VSIG10: variants seen among roughly 807,000 people sequenced by gnomAD.
The protein encoded by VSIG10 is V-set and immunoglobulin domain-containing protein 10.
Under a neutral mutation model 58.7 loss-of-function variants are expected in VSIG10, and 48 were observed. The observed-to-expected ratio is 0.82, with a 90% CI of 0.65 to 1.04. VSIG10 has a LOEUF of 1.04. VSIG10 is among the 50% of genes least tolerant of loss of function. The pLI is 0.00. For missense variants in VSIG10, 628 were observed against 670.0 expected (o/e 0.94, Z 0.69); for synonymous variants, 260 against 267.1 (o/e 0.97, Z 0.26).
At chr12:118,097,689 G>A (rs1253828103) in intron 1 of VSIG10, among the ~76,000 whole-genome samples, 1 of 151,590 alleles carries the variant, frequency 6.6e-6, no homozygotes, top group Non-Finnish European at 1.5e-5. Flanking sequence ...TTGGGAGGCT[G>A]AGGCGGTGGA....
Position 118,103,655 on chromosome 12 carries a change from C to A in VSIG10, c.17G>T (p.Ser6Ile). 1 of 1,499,878 alleles carries A rather than the reference C, an allele frequency of 6.7e-7. No individual in the cohort carries two copies. The highest frequency in any genetic ancestry group is 8.8e-7 in the Non-Finnish European group (1 of 1,130,046). The allele number at this position is 1,499,878 out of a possible 1,614,324, so 92.9% of individuals were successfully genotyped here. MAAGG[S>I]APEPRVLVCL... ...GACGAGGACGCGGGGCTCGGGCGCACTGCCGCCTGCGGCCATCTCGCCCCA... is the reference window on the plus strand; with the variant it reads ...GACGAGGACGCGGGGCTCGGGCGCAATGCCGCCTGCGGCCATCTCGCCCCA... The change falls in exon 1 of 9, where the codon AGT becomes ATT. Residue 6 changes from serine to isoleucine, a missense_variant. Ser to Ile is a moderately radical substitution (Grantham distance 142). Coordinates refer to ENST00000359236, the MANE Select transcript of VSIG10 (RefSeq NM_019086.6).
chr12:118,101,054 C>T (rs1025069155), intron 1 of VSIG10, among the ~76,000 whole-genome samples: 35 of 152,300 alleles, frequency 2.3e-4, no homozygotes, highest in African/African-American at 8.2e-4. Flanking sequence ...TTGTTTTCTC[C>T]TCCAAGGCAT....
intron 2 of VSIG10, 24 bp downstream of exon 2, chr12:118,095,509 C>T (rs752015256): frequency 6.2e-7 from 1 of 1,612,946 alleles, no homozygotes; most frequent in South Asian, 1.1e-5. Flanking sequence ...CTCTCCAGCC[C>T]CGGTCCCTGC....
intron 1 of VSIG10, among the ~76,000 whole-genome samples, chr12:118,097,544 G>A (rs891493097): frequency 2.0e-5 from 3 of 152,050 alleles, no homozygotes; most frequent in African/African-American, 7.2e-5. Context: ...GAACCCAGGA[G>A]GTAGAGGTTG....
At chr12:118,073,049 C>T (rs183397359) in intron 5 of VSIG10, among the ~76,000 whole-genome samples, 1 of 149,870 alleles carries the variant, frequency 6.7e-6, no homozygotes, top group East Asian at 2.0e-4. Flanking sequence ...GATCTCGGCT[C>T]ACTGCAACCT....
intron 2 of VSIG10, among the ~76,000 whole-genome samples, chr12:118,084,847 G>C (rs1180583780): frequency 1.3e-5 from 2 of 152,092 alleles, no homozygotes; most frequent in African/African-American, 2.4e-5. Context: ...GTGAAACCCC[G>C]TCTCTACTAA....
intron 2 of VSIG10, among the ~76,000 whole-genome samples, chr12:118,087,099 A>T (rs1240820642): frequency 6.6e-6 from 1 of 151,998 alleles, no homozygotes; most frequent in Admixed American, 6.6e-5. Context: ...AAAGAAAGAA[A>T]GAAAGAAACG....
intron 2 of VSIG10, among the ~76,000 whole-genome samples, chr12:118,094,977 C>T (rs192962449): frequency 2.0e-4 from 30 of 151,456 alleles, no homozygotes; most frequent in Non-Finnish European, 3.5e-4. Flanking sequence ...AATCTTGGCT[C>T]ACTGCAACCT....
rs757841734 is a variant in VSIG10 at position 118,079,587 on chromosome 12, G to T, written c.684C>A (p.Pro228=). The part of the protein sequence containing the change: ...LLVYYPPPSA[P]QCWAQMASGS... ...CTGATGCCATCTGTGCCCAGCACTGGGGAGCTGATGGAGGGGGATCTGCAA... is the reference window on the plus strand; with the variant it reads ...CTGATGCCATCTGTGCCCAGCACTGTGGAGCTGATGGAGGGGGATCTGCAA... Residue 228 remains proline, a synonymous_variant, in exon 4 of 9, where the codon CCC becomes CCA. Transcript: ENST00000359236. 6.2e-7 allele frequency: 1 copy of T among 1,613,976 alleles called. No individual in the cohort carries two copies. Among genetic ancestry groups the T allele is most frequent in the South Asian group, 1.1e-5 (1 of 91,072 alleles).
intron 3 of VSIG10, among the ~76,000 whole-genome samples, chr12:118,079,875 C>A (rs1299862282): frequency 2.6e-5 from 4 of 152,142 alleles, no homozygotes; most frequent in Non-Finnish European, 4.4e-5. Context: ...CTCTTGTTGC[C>A]CAGGCTGGAG....
Position 118,095,769 on chromosome 12 carries a change from A to G in VSIG10, c.125T>C (p.Leu42Pro). The G allele has an allele frequency of 6.2e-7, 1 of 1,613,042 alleles. No homozygotes were observed. Among genetic ancestry groups the G allele is most frequent in the South Asian group, 1.1e-5 (1 of 90,856 alleles). ...CAGTCCCGAGATGTTGCCACAGTGCAGAGTAACATTCTCATGAACTTCTCC... is the reference window on the plus strand; with the variant it reads ...CAGTCCCGAGATGTTGCCACAGTGCGGAGTAACATTCTCATGAACTTCTCC... The part of the protein sequence containing the change: ...VIGEVHENVT[L>P]HCGNISGLRG... The change falls in exon 2 of 9, where the codon CTG becomes CCG. Residue 42 changes from leucine to proline, a missense_variant. Leu to Pro is a moderately conservative substitution (Grantham distance 98). Coordinates refer to ENST00000359236, the MANE Select transcript of VSIG10 (RefSeq NM_019086.6).
At chr12:118,081,493 A>C (rs368461951) in intron 3 of VSIG10, among the ~76,000 whole-genome samples, 4 of 151,790 alleles carry the variant, frequency 2.6e-5, no homozygotes, top group African/African-American at 9.7e-5. Flanking sequence ...ATTCAATTGT[A>C]CATTGCTAAA....
chr12:118,103,971 TCCCTCCCGCCTCCCAGCCAGGCGGGAG>T lies in VSIG10; in HGVS notation c.-327_-301del. ...CCGGCGGAAAACAACAGGAGCGGGA[TCCCTCCCGCCTCCCAGCCAGGCGGGAG>T]CCCAACTTCCTCTACCTTGGCCCGG... On this transcript the variant is annotated 5_prime_UTR_variant, in exon 1 of 9. Transcript: ENST00000359236. The T allele has an allele frequency of 3.4e-6, 1 of 292,122 alleles. No homozygotes were observed. The highest frequency in any genetic ancestry group is 9.7e-4 in the Middle Eastern group (1 of 1,030). 18.1% of individuals were successfully genotyped at this position (292,122 alleles called of 1,614,324 possible).
intron 2 of VSIG10, among the ~76,000 whole-genome samples, chr12:118,083,168 A>G (rs2033018328): frequency 6.8e-6 from 1 of 146,548 alleles, no homozygotes; most frequent in African/African-American, 2.5e-5. Context: ...AGGGCTAGGC[A>G]CAGTAGCTCA....
intron 2 of VSIG10, among the ~76,000 whole-genome samples, chr12:118,095,268 T>C (rs2033414234): frequency 6.6e-6 from 1 of 151,934 alleles, no homozygotes; most frequent in East Asian, 1.9e-4. Flanking sequence ...CTCAAACTCC[T>C]GACTTCAAGT....
intron 7 of VSIG10, among the ~76,000 whole-genome samples, chr12:118,069,404 T>TTTC (rs927180127): frequency 1.3e-4 from 18 of 135,658 alleles, no homozygotes; most frequent in Non-Finnish European, 2.3e-4. Context: ...GGACTGTGCA[T>TTTC]TTCTTCTTCT....
At chr12:118,083,938 T>C (rs1041934994) in intron 2 of VSIG10, among the ~76,000 whole-genome samples, 4 of 151,536 alleles carry the variant, frequency 2.6e-5, no homozygotes, top group Non-Finnish European at 5.9e-5. Context: ...CTGGGCAACA[T>C]GGCAAAACCC....
At position 118,064,331 on chromosome 12, in the gene VSIG10, A is replaced by G. The variant is rs1207161158; in HGVS notation, c.*2308T>C. On this transcript the variant is annotated 3_prime_UTR_variant, in exon 9 of 9. Transcript: ENST00000359236. ...CATGAAGCTCCCATTTGGTAGTGGA[A>G]AAACCCTCAAATATTTCCTATCAAC... The G allele has an allele frequency of 6.6e-6, 1 of 152,210 alleles. No individual in the cohort carries two copies. Among genetic ancestry groups the G allele is most frequent in the Non-Finnish European group, 1.5e-5 (1 of 68,044 alleles). 9.4% of individuals were successfully genotyped at this position (152,210 alleles called of 1,614,324 possible).
chr12:118,097,457 A>G (rs1226744842), intron 1 of VSIG10, among the ~76,000 whole-genome samples: 3 of 151,664 alleles, frequency 2.0e-5, no homozygotes, highest in Non-Finnish European at 2.9e-5. Context: ...TCTGCTAAAA[A>G]TGCAAAAATT....
Sources: gnomAD v4.1 joint callset for allele counts (sites outside exome capture counted in the v4.1 genomes callset) on GRCh38, gnomAD v4.1.1 for gene constraint, MANE v1.5 for transcripts, NCBI Gene and HGNC (gene_info 2026-07-23, HGNC 2026-07-21) for gene names.